GGA2: variants seen among roughly 807,000 people sequenced by gnomAD.
GGA2 encodes the protein ADP-ribosylation factor-binding protein GGA2.
Under a neutral mutation model 79.5 loss-of-function variants are expected in GGA2, and 48 were observed. That is an observed-to-expected ratio of 0.60 (90% CI 0.48 to 0.77). GGA2 has a LOEUF of 0.77. Ranked by LOEUF, GGA2 falls within the 30% of genes least tolerant of loss-of-function variation. The probability of loss-of-function intolerance (pLI) is 0.00; values close to 1 mark genes in which losing one functional copy is unlikely to be tolerated. For missense variants in GGA2, 770 were observed against 774.0 expected (o/e 0.99, Z 0.06); for synonymous variants, 317 against 302.0 (o/e 1.05, Z -0.51).
chr16:23,498,141 G>C (rs1031148786), intron 1 of GGA2, among the ~76,000 whole-genome samples: 1 of 151,934 alleles, frequency 6.6e-6, no homozygotes, highest in Non-Finnish European at 1.5e-5. Flanking sequence ...TTAGCTGGGC[G>C]TGGCAGCGTG....
chr16:23,506,822 G>A (rs1185124929), intron 1 of GGA2, among the ~76,000 whole-genome samples: 1 of 152,182 alleles, frequency 6.6e-6, no homozygotes, highest in Non-Finnish European at 1.5e-5. Context: ...GTTTGCATGT[G>A]CAATCATCTT....
intron 14 of GGA2, among the ~76,000 whole-genome samples, chr16:23,473,459 C>T (rs986178080): frequency 2.0e-5 from 3 of 148,268 alleles, no homozygotes; most frequent in East Asian, 2.1e-4. Flanking sequence ...GGCTCAGGCT[C>T]CTGAGTAGCT....
chr16:23,503,468 AATG>A (rs1238457605), intron 1 of GGA2, among the ~76,000 whole-genome samples: 3 of 152,322 alleles, frequency 2.0e-5, no homozygotes, highest in Non-Finnish European at 2.9e-5. Context: ...TTCCAAAATT[AATG>A]ATATTATATC....
intron 1 of GGA2, among the ~76,000 whole-genome samples, chr16:23,501,969 C>G (rs1596994313): frequency 6.6e-6 from 1 of 152,156 alleles, no homozygotes; most frequent in East Asian, 1.9e-4. Flanking sequence ...CATCCCTGCT[C>G]AGAGTCCACA....
intron 16 of GGA2, among the ~76,000 whole-genome samples, chr16:23,468,590 C>T (rs1035768565): frequency 7.2e-5 from 11 of 152,096 alleles, no homozygotes; most frequent in Non-Finnish European, 5.9e-5. Context: ...TCTCCTGCCT[C>T]AGCCTCCTGA....
At chr16:23,498,096 A>G (rs1286983087) in intron 1 of GGA2, among the ~76,000 whole-genome samples, 1 of 152,116 alleles carries the variant, frequency 6.6e-6, no homozygotes, top group East Asian at 1.9e-4. Context: ...CCTGGGCAAC[A>G]CGGTGAAATC....
chr16:23,482,064 T>G (rs1964655568), intron 9 of GGA2, among the ~76,000 whole-genome samples: 3 of 152,096 alleles, frequency 2.0e-5, no homozygotes, highest in African/African-American at 7.2e-5. Flanking sequence ...GCCAGAAGTT[T>G]GAAACCAGCC....
At chr16:23,473,080 T>C (rs1229431250) in intron 14 of GGA2, among the ~76,000 whole-genome samples, 1 of 151,068 alleles carries the variant, frequency 6.6e-6, no homozygotes, top group African/African-American at 2.4e-5. Context: ...TACCTCTACT[T>C]AATAGTGCAT....
intron 4 of GGA2, among the ~76,000 whole-genome samples, chr16:23,492,377 G>C (rs182745738): frequency 6.6e-6 from 1 of 152,302 alleles, no homozygotes; most frequent in African/African-American, 2.4e-5. Context: ...GTGTGAACTA[G>C]AGATTGAGTT....
chr16:23,502,490 T>TA (rs1462562474), intron 1 of GGA2, among the ~76,000 whole-genome samples: 3 of 152,240 alleles, frequency 2.0e-5, no homozygotes, highest in African/African-American at 4.8e-5. Context: ...TTTACCCAGC[T>TA]AATCTTGCTG....
At chr16:23,515,237 T>C (rs188696289), upstream of GGA2, among the ~76,000 whole-genome samples, 174 of 151,746 alleles carry the variant, frequency 1.1e-3, no homozygotes, top group African/African-American at 3.4e-3. Flanking sequence ...GATAGGAAGA[T>C]TGCTTGAGCC....
At chr16:23,496,526 T>C (rs1323927428) in intron 1 of GGA2, among the ~76,000 whole-genome samples, 2 of 151,932 alleles carry the variant, frequency 1.3e-5, no homozygotes, top group African/African-American at 2.4e-5. Flanking sequence ...ATCTTGACCG[T>C]TCATAAAACT....
intron 6 of GGA2, among the ~76,000 whole-genome samples, chr16:23,487,614 G>A (rs2142127871): frequency 6.6e-6 from 1 of 152,162 alleles, no homozygotes; most frequent in East Asian, 1.9e-4. Context: ...TGGGACGGAT[G>A]GCAGGAAAAG....
intron 1 of GGA2, 82 bp downstream of exon 1, chr16:23,510,239 C>A: frequency 1.1e-6 from 1 of 939,996 alleles, no homozygotes; most frequent in Middle Eastern, 3.5e-4. Flanking sequence ...GCCGCCCGCC[C>A]CGAAGCAAGG....
At chr16:23,474,797 C>T in intron 14 of GGA2, 107 bp downstream of exon 14, 2 of 855,020 alleles carry the variant, frequency 2.3e-6, no homozygotes, top group Non-Finnish European at 3.9e-6. Context: ...TCCCATTTAT[C>T]AACCAAATTT....
intron 1 of GGA2, among the ~76,000 whole-genome samples, chr16:23,506,982 C>G (rs943985902): frequency 6.6e-6 from 1 of 152,160 alleles, no homozygotes; most frequent in East Asian, 1.9e-4. Flanking sequence ...GGGGGAGGGG[C>G]AGTTCCCCAA....
At chr16:23,494,510 A>C in intron 2 of GGA2, 132 bp from the exon 3 acceptor site, 3 of 713,768 alleles carry the variant, frequency 4.2e-6, no homozygotes, top group Non-Finnish European at 7.6e-6. Flanking sequence ...CGTGCCTGAC[A>C]AACAGGCCAC....
At chr16:23,477,540 G>A (rs749758712) in intron 13 of GGA2, among the ~76,000 whole-genome samples, 13 of 152,022 alleles carry the variant, frequency 8.6e-5, no homozygotes, top group East Asian at 1.9e-4. Flanking sequence ...TCAAGAGATC[G>A]AGACAATCCT....
chr16:23,475,556 A>G (rs1964566874), intron 13 of GGA2, among the ~76,000 whole-genome samples: 1 of 152,010 alleles, frequency 6.6e-6, no homozygotes, highest in South Asian at 2.1e-4. Flanking sequence ...TGGGAATAAC[A>G]GAAGTAATTT....
Sources: allele counts gnomAD v4.1 joint callset (sites outside exome capture counted in the v4.1 genomes callset), GRCh38; gene constraint gnomAD v4.1.1; transcripts MANE v1.5; gene names NCBI Gene and HGNC (gene_info 2026-07-23, HGNC 2026-07-21).